The following ARHGEF28 variants were observed in gnomAD, a reference collection of about 807,000 sequenced individuals.
ARHGEF28 encodes Rho guanine nucleotide exchange factor 28.
In ARHGEF28, 152 loss-of-function variants were observed where a neutral mutation model predicts 206.6. The observed-to-expected ratio is 0.74, with a 90% CI of 0.64 to 0.84. ARHGEF28 has a LOEUF of 0.84. Among genes scored for constraint, ARHGEF28 ranks in the 40% least tolerant of loss-of-function variants. The probability of loss-of-function intolerance (pLI) is 0.00; values close to 1 mark genes in which losing one functional copy is unlikely to be tolerated. For missense variants in ARHGEF28, 2,028 were observed against 2,073.2 expected (o/e 0.98, Z 0.42); for synonymous variants, 763 against 776.4 (o/e 0.98, Z 0.29).
intron 30 of ARHGEF28, chr5:73,898,633 GA>G (rs754987793): frequency 2.6e-5 from 4 of 152,160 alleles, no homozygotes; most frequent in Non-Finnish European, 4.4e-5. Context: ...AGAAGTGCCA[GA>G]AAATTCTTGA....
intron 7 of ARHGEF28, among the ~76,000 whole-genome samples, chr5:73,783,857 C>T (rs1753995789): frequency 6.6e-6 from 1 of 152,104 alleles, no homozygotes; most frequent in East Asian, 1.9e-4. Flanking sequence ...GCCAGTTTGA[C>T]TGAAATTAAC....
intron 30 of ARHGEF28, chr5:73,898,729 G>A (rs1020210765): frequency 2.6e-5 from 4 of 152,260 alleles, no homozygotes. Flanking sequence ...AAAAAAAATA[G>A]AATGTAGAGA....
At chr5:73,828,461 T>C (rs1320661805) in intron 9 of ARHGEF28, among the ~76,000 whole-genome samples, 4 of 152,092 alleles carry the variant, frequency 2.6e-5, no homozygotes, top group Admixed American at 2.6e-4. Context: ...GTGACAGAAG[T>C]AGAGAGGAGA....
chr5:73,810,481 A>C (rs1481731402), intron 9 of ARHGEF28, among the ~76,000 whole-genome samples: 3 of 152,146 alleles, frequency 2.0e-5, no homozygotes, highest in Non-Finnish European at 4.4e-5. Context: ...CTTTGTCTAT[A>C]TTGCCCTGAA....
At chr5:73,641,404 C>CT (rs34541531) in intron 1 of ARHGEF28, among the ~76,000 whole-genome samples, 2,166 of 70,494 alleles carry the variant, frequency 0.031, 13 homozygotes, top group Admixed American at 0.034. Context: ...AGGGGAAAGG[C>CT]TTTTTTTTTT....
chr5:73,668,518 A>G (rs1448750400), intron 1 of ARHGEF28, among the ~76,000 whole-genome samples: 3 of 152,184 alleles, frequency 2.0e-5, no homozygotes, highest in Non-Finnish European at 2.9e-5. Context: ...ACATTAATCC[A>G]TTCACAAGGG....
intron 2 of ARHGEF28, among the ~76,000 whole-genome samples, chr5:73,747,351 G>A (rs1006879600): frequency 6.6e-6 from 1 of 152,104 alleles, no homozygotes; most frequent in Non-Finnish European, 1.5e-5. Context: ...ATTTTCAGTG[G>A]ACTCAGTGGT....
At chr5:73,755,477 C>T (rs1488926234) in intron 4 of ARHGEF28, among the ~76,000 whole-genome samples, 3 of 152,114 alleles carry the variant, frequency 2.0e-5, no homozygotes, top group South Asian at 2.1e-4. Context: ...GTGCCTGCAG[C>T]GGTTTAATTT....
At chr5:73,673,745 G>GT (rs1746488319) in intron 1 of ARHGEF28, among the ~76,000 whole-genome samples, 2 of 152,122 alleles carry the variant, frequency 1.3e-5, no homozygotes, top group South Asian at 4.1e-4. Flanking sequence ...TAGACACTAA[G>GT]TTTTTTCTCT....
At chr5:73,825,216 G>A (rs768906587) in intron 9 of ARHGEF28, among the ~76,000 whole-genome samples, 1 of 152,228 alleles carries the variant, frequency 6.6e-6, no homozygotes, top group East Asian at 1.9e-4. Context: ...AGGGGCATGA[G>A]TGAAAATAAA....
chr5:73,641,540 C>T (rs930065014), intron 1 of ARHGEF28, among the ~76,000 whole-genome samples: 2 of 151,820 alleles, frequency 1.3e-5, no homozygotes, highest in Non-Finnish European at 2.9e-5. Flanking sequence ...GTCTTGGAGT[C>T]TTGAGTTTTT....
chr5:73,916,102 G>GT lies in ARHGEF28; in HGVS notation c.4948+4533dup, dbSNP rs1219618283. Among the ~76,000 whole-genome samples, 6 of 152,118 alleles carry GT rather than the reference G, an allele frequency of 3.9e-5. No homozygotes were observed. The South Asian group carries it at 1.2e-3, about 32-fold the overall frequency. On this transcript the variant is annotated intron_variant, in intron 35 of 35. Coordinates refer to ENST00000513042, the MANE Select transcript of ARHGEF28 (RefSeq NM_001177693.2). The stretch of plus-strand genomic sequence containing the variant: ...AGACAGCTGTGTTAAACTTTGACAA[G>GT]TTTTTTATGTAAGGGAAGAAAATAG...
chr5:73,747,318 TG>T (rs548404319), intron 2 of ARHGEF28, among the ~76,000 whole-genome samples: 86 of 152,300 alleles, frequency 5.6e-4, no homozygotes, highest in African/African-American at 2.0e-3. Context: ...ATGAAATCGG[TG>T]GCCTTTTTAG....
chr5:73,922,622 T>C (rs1413909578), intron 35 of ARHGEF28, among the ~76,000 whole-genome samples: 1 of 152,216 alleles, frequency 6.6e-6, no homozygotes, highest in Non-Finnish European at 1.5e-5. Flanking sequence ...TATATAAGCC[T>C]AAACCCTTGG....
chr5:73,842,939 A>T (rs1033331932), intron 11 of ARHGEF28, among the ~76,000 whole-genome samples: 1 of 150,596 alleles, frequency 6.6e-6, no homozygotes, highest in Non-Finnish European at 1.5e-5. Context: ...GTGAGCAGAG[A>T]TGGCACTACT....
intron 9 of ARHGEF28, chr5:73,813,698 C>T (rs776550650): frequency 6.5e-7 from 1 of 1,530,210 alleles, no homozygotes; most frequent in Non-Finnish European, 8.8e-7. Flanking sequence ...CTTTTCTTTC[C>T]TTCACGGGCA....
chr5:73,684,582 A>G (rs2112248398), intron 1 of ARHGEF28, among the ~76,000 whole-genome samples: 1 of 152,310 alleles, frequency 6.6e-6, no homozygotes, highest in East Asian at 1.9e-4. Context: ...TTCTTTGGGT[A>G]TATACCTGGA....
At chr5:73,817,767 G>A (rs548390859) in intron 9 of ARHGEF28, among the ~76,000 whole-genome samples, 2 of 152,162 alleles carry the variant, frequency 1.3e-5, no homozygotes, top group African/African-American at 2.4e-5. Flanking sequence ...CAGGACACTC[G>A]AGAGTGTCCT....
At chr5:73,860,621 C>A (rs1396671746) in intron 16 of ARHGEF28, among the ~76,000 whole-genome samples, 1 of 152,188 alleles carries the variant, frequency 6.6e-6, no homozygotes, top group African/African-American at 2.4e-5. Context: ...GGGAGATTCT[C>A]ATCACCGCCT....
Sources: allele counts gnomAD v4.1 joint callset (sites outside exome capture counted in the v4.1 genomes callset), GRCh38; gene constraint gnomAD v4.1.1; transcripts MANE v1.5; gene names NCBI Gene and HGNC (gene_info 2026-07-23, HGNC 2026-07-21).